The following AGTPBP1 variants were observed in gnomAD, a reference collection of about 807,000 sequenced individuals.
AGTPBP1 encodes ATP/GTP binding carboxypeptidase 1.
A neutral mutation model predicts 143.9 loss-of-function variants in AGTPBP1; 70 were observed. The observed-to-expected ratio is 0.49, with a 90% CI of 0.40 to 0.59. AGTPBP1 has a LOEUF of 0.59. Ranked by LOEUF, AGTPBP1 falls within the 20% of genes least tolerant of loss-of-function variation. The probability of loss-of-function intolerance (pLI) is 0.00; values close to 1 mark genes in which losing one functional copy is unlikely to be tolerated. For synonymous variants in AGTPBP1, 463 were observed against 500.2 expected (o/e 0.93, Z 0.99); for missense variants, 1,229 against 1,464.5 (o/e 0.84, Z 2.62).
At chr9:85,747,974 GT>G in the AGTPBP1 span, among the ~76,000 whole-genome samples, 1 of 151,164 alleles carries the variant, frequency 6.6e-6, no homozygotes, top group Non-Finnish European at 1.5e-5. Context: ...AAATATCTTA[GT>G]TTTTTTCATC....
the AGTPBP1 span, among the ~76,000 whole-genome samples, chr9:85,773,138 G>A: frequency 1.7e-4 from 26 of 150,444 alleles, no homozygotes; most frequent in Admixed American, 9.9e-4. Flanking sequence ...GGTGGCGGGC[G>A]CCTGTAGTCC....
chr9:85,795,733 T>C, the AGTPBP1 span, among the ~76,000 whole-genome samples: 1 of 152,174 alleles, frequency 6.6e-6, no homozygotes, highest in Non-Finnish European at 1.5e-5. Context: ...GTTCCTGCAC[T>C]AATTCGTTTA....
chr9:85,756,958 C>CG, the AGTPBP1 span, among the ~76,000 whole-genome samples: 103 of 123,586 alleles, frequency 8.3e-4, no homozygotes, highest in Non-Finnish European at 1.5e-3. Flanking sequence ...GGGGATTGGG[C>CG]GGGGGAAATA....
chr9:85,797,935 C>T, the AGTPBP1 span, among the ~76,000 whole-genome samples: 1 of 152,132 alleles, frequency 6.6e-6, no homozygotes, highest in East Asian at 1.9e-4. Flanking sequence ...CTCTGTCACC[C>T]AGGCTGGAGT....
chr9:85,728,444 G>A lies in AGTPBP1; in HGVS notation c.-34+13331C>T, dbSNP rs572537919. On this transcript the variant is annotated intron_variant, in intron 1 of 25. Transcript: ENST00000357081. ...ACTGATCTACCCCTAAAAAAGTTAT[G>A]GATTTCCCTGAACCAGTAATGTCCT... Among the ~76,000 whole-genome samples the A allele has an allele frequency of 4.6e-5, 7 of 152,118 alleles. No individual in the cohort carries two copies. The East Asian group carries it at 1.4e-3, about 29-fold the overall frequency.
Position 85,677,084 on chromosome 9 carries a change from A to G in AGTPBP1, c.436+352T>C, listed in dbSNP as rs1029223238. Among the ~76,000 whole-genome samples the G allele has an allele frequency of 2.0e-5, 3 of 152,218 alleles. No individual in the cohort carries two copies. In the South Asian group the frequency reaches 6.2e-4, roughly 31 times the overall value. ...AGGAGTTTGTTAAATGGATACAAAA[A>G]TACATTTCAATAGAAGGAATAACAT... On this transcript the variant is annotated intron_variant, in intron 6 of 25. Coordinates refer to ENST00000357081, the MANE Select transcript of AGTPBP1 (RefSeq NM_001330701.2).
chr9:85,712,853 G>A (rs751788062), intron 1 of AGTPBP1, among the ~76,000 whole-genome samples: 18 of 152,112 alleles, frequency 1.2e-4, no homozygotes, highest in African/African-American at 1.7e-4. Flanking sequence ...AAGATCTTTT[G>A]AGACAGTTCA....
At chr9:85,650,772 C>T (rs1256969937) in intron 11 of AGTPBP1, among the ~76,000 whole-genome samples, 1 of 152,152 alleles carries the variant, frequency 6.6e-6, no homozygotes, top group Non-Finnish European at 1.5e-5. Context: ...AATCAACCAC[C>T]AACACTGTTT....
At chr9:85,743,888 C>T (rs543046223), upstream of AGTPBP1, among the ~76,000 whole-genome samples, 84 of 151,586 alleles carry the variant, frequency 5.5e-4, 1 homozygote, top group South Asian at 0.016. Flanking sequence ...GGTAAAGGTA[C>T]ACCTCAGTTG....
chr9:85,790,989 T>G, the AGTPBP1 span, among the ~76,000 whole-genome samples: 3 of 152,208 alleles, frequency 2.0e-5, no homozygotes, highest in South Asian at 6.2e-4. Context: ...TTTTAAAACC[T>G]TATTTGTATA....
chr9:85,547,302 A>T lies in AGTPBP1; in HGVS notation c.3504-16T>A, dbSNP rs1825788854. On this transcript the variant is annotated splice_polypyrimidine_tract_variant and intron_variant, in intron 25 of 25. Coordinates refer to ENST00000357081, the MANE Select transcript of AGTPBP1 (RefSeq NM_001330701.2). ...AGTGGTAGGGCTGCAGCCAAAACACACAGAACATACAAGACTTTGTGAGGT... is the reference window on the plus strand; with the variant it reads ...AGTGGTAGGGCTGCAGCCAAAACACTCAGAACATACAAGACTTTGTGAGGT... 6.3e-7 allele frequency: 1 copy of T among 1,596,542 alleles called. No individual in the cohort carries two copies. The highest frequency in any genetic ancestry group is 1.3e-5 in the African/African-American group (1 of 74,164).
At chr9:85,756,349 G>C in the AGTPBP1 span, 95,711 of 1,302,110 alleles carry the variant, frequency 0.074, 9,512 homozygotes, top group East Asian at 0.61. Context: ...AAATGTGTGG[G>C]AGGAGGTGGA....
the AGTPBP1 span, among the ~76,000 whole-genome samples, chr9:85,761,973 A>C: frequency 2.6e-5 from 4 of 152,194 alleles, no homozygotes; most frequent in South Asian, 4.1e-4. Context: ...TATGAACAGA[A>C]GCTTCTCAAA....
At chr9:85,759,358 C>G in the AGTPBP1 span, among the ~76,000 whole-genome samples, 1,310 of 151,446 alleles carry the variant, frequency 8.6e-3, 23 homozygotes, top group African/African-American at 0.03. Context: ...CAAAATTGAC[C>G]ACATAGTTGG....
Position 85,546,919 on chromosome 9 carries a change from G to T in AGTPBP1, c.*190C>A. On this transcript the variant is annotated 3_prime_UTR_variant, in exon 26 of 26. Coordinates refer to ENST00000357081, the MANE Select transcript of AGTPBP1 (RefSeq NM_001330701.2). ...TGCTACATAAAGTGCATTGAATATC[G>T]AAAATAAAACAAGCGCCAATTTTAT... 1 of 481,472 alleles carries T rather than the reference G, an allele frequency of 2.1e-6. No individual in the cohort carries two copies. Among genetic ancestry groups the T allele is most frequent in the Non-Finnish European group, 3.5e-6 (1 of 289,176 alleles). 29.8% of individuals were successfully genotyped at this position (481,472 alleles called of 1,614,324 possible).
chr9:85,553,683 C>T (rs1214545240), intron 25 of AGTPBP1, among the ~76,000 whole-genome samples: 1 of 152,342 alleles, frequency 6.6e-6, no homozygotes, highest in African/African-American at 2.4e-5. Context: ...ATTCCTTACA[C>T]ATAATGAAAG....
intron 1 of AGTPBP1, among the ~76,000 whole-genome samples, chr9:85,737,774 A>C (rs1442355982): frequency 6.6e-6 from 1 of 152,206 alleles, no homozygotes; most frequent in Admixed American, 6.5e-5. Flanking sequence ...ACGGCATCTA[A>C]CCTTTAAGAA....
At chr9:85,766,707 C>T in the AGTPBP1 span, among the ~76,000 whole-genome samples, 2 of 152,036 alleles carry the variant, frequency 1.3e-5, no homozygotes, top group Non-Finnish European at 2.9e-5. Flanking sequence ...CTTAGTGTAC[C>T]TCTCAAGTGA....
intron 17 of AGTPBP1, among the ~76,000 whole-genome samples, chr9:85,606,286 C>A (rs1262240318): frequency 6.6e-6 from 1 of 150,998 alleles, no homozygotes; most frequent in Non-Finnish European, 1.5e-5. Flanking sequence ...AAATGGCCAA[C>A]AGGCATATGA....
Sources: allele counts gnomAD v4.1 joint callset (sites outside exome capture counted in the v4.1 genomes callset), GRCh38; gene constraint gnomAD v4.1.1; transcripts MANE v1.5; gene names NCBI Gene and HGNC (gene_info 2026-07-23, HGNC 2026-07-21).